Variants in EIF3H observed in about 807,000 individuals in gnomAD.
EIF3H encodes the protein eIF-3-gamma.
In EIF3H, 26 loss-of-function variants were observed where a neutral mutation model predicts 44.2. That is an observed-to-expected ratio of 0.59 (90% confidence interval 0.43 to 0.82). The LOEUF (loss-of-function observed/expected upper bound fraction) is 0.82. EIF3H is among the 40% of genes least tolerant of loss of function. The pLI is 0.00. For missense variants in EIF3H, 359 were observed against 432.8 expected (o/e 0.83, Z 1.51); for synonymous variants, 166 against 151.9 (o/e 1.09, Z -0.68).
intron 2 of EIF3H, among the ~76,000 whole-genome samples, chr8:116,723,809 A>G (rs565245408): frequency 6.6e-6 from 1 of 152,342 alleles, no homozygotes; most frequent in African/African-American, 2.4e-5. Context: ...CTGAAACTAC[A>G]AAACGCTGCT....
rs1563655513 is a variant in EIF3H, at chr8:116,730,352, T to C, written c.133-4180A>G. Among the ~76,000 whole-genome samples the C allele has an allele frequency of 2.6e-5, 4 of 152,304 alleles. No individual in the cohort carries two copies. The East Asian group carries it at 5.8e-4, about 22-fold the overall frequency. On this transcript the variant is annotated intron_variant, in intron 1 of 7. Coordinates refer to ENST00000521861, the MANE Select transcript of EIF3H (RefSeq NM_003756.3). ...ACAAACCTTTACTGTGAACTGCACATACAAGGGAGCTAGGTTGCATGCTCC... is the reference window on the plus strand; with the variant it reads ...ACAAACCTTTACTGTGAACTGCACACACAAGGGAGCTAGGTTGCATGCTCC...
At chr8:116,702,900 G>C (rs1328999035) in intron 2 of EIF3H, among the ~76,000 whole-genome samples, 1 of 152,106 alleles carries the variant, frequency 6.6e-6, no homozygotes, top group Non-Finnish European at 1.5e-5. Flanking sequence ...GGGGGTGGCA[G>C]TGATCTTGGA....
chr8:116,745,697 G>A (rs1815220608), intron 1 of EIF3H, among the ~76,000 whole-genome samples: 1 of 152,144 alleles, frequency 6.6e-6, no homozygotes, highest in African/African-American at 2.4e-5. Flanking sequence ...TTGGGAGGCT[G>A]GGGCGGGTGG....
intron 2 of EIF3H, among the ~76,000 whole-genome samples, chr8:116,669,747 G>A (rs894540498): frequency 2.0e-5 from 3 of 152,176 alleles, no homozygotes; most frequent in Non-Finnish European, 4.4e-5. Context: ...ACCTAAAGAA[G>A]TGGAAGATGG....
upstream of EIF3H, among the ~76,000 whole-genome samples, chr8:116,759,890 T>C (rs1424951222): frequency 6.6e-6 from 1 of 152,098 alleles, no homozygotes; most frequent in African/African-American, 2.4e-5. Context: ...AGCACCACAC[T>C]TGAATAATTT....
At chr8:116,721,448 A>G (rs997929462) in intron 2 of EIF3H, among the ~76,000 whole-genome samples, 1 of 152,244 alleles carries the variant, frequency 6.6e-6, no homozygotes, top group African/African-American at 2.4e-5. Context: ...TGTGGGGTTG[A>G]AGCCCCCACA....
intron 5 of EIF3H, among the ~76,000 whole-genome samples, chr8:116,653,636 T>A (rs1249917029): frequency 6.6e-6 from 1 of 152,126 alleles, no homozygotes; most frequent in Non-Finnish European, 1.5e-5. Flanking sequence ...ATGCTTATAA[T>A]CCTTAATGTA....
intron 1 of EIF3H, among the ~76,000 whole-genome samples, chr8:116,760,930 A>C (rs1815513335): frequency 6.6e-6 from 1 of 152,234 alleles, no homozygotes; most frequent in Non-Finnish European, 1.5e-5. Context: ...TTCTTTAAGT[A>C]ACAGTAATAA....
At chr8:116,658,418 T>C (rs962932437) in intron 3 of EIF3H, 1 of 156,752 alleles carries the variant, frequency 6.4e-6, no homozygotes, top group Non-Finnish European at 1.4e-5. Context: ...AGTCCAGGTT[T>C]TGTACGCTGT....
intron 2 of EIF3H, among the ~76,000 whole-genome samples, chr8:116,706,045 C>T (rs1443617313): frequency 6.6e-6 from 1 of 151,408 alleles, no homozygotes; most frequent in Non-Finnish European, 1.5e-5. Context: ...AACACTACCA[C>T]CGATAAATCC....
At chr8:116,686,831 G>A (rs200953937) in intron 2 of EIF3H, among the ~76,000 whole-genome samples, 4 of 152,138 alleles carry the variant, frequency 2.6e-5, no homozygotes, top group Non-Finnish European at 5.9e-5. Context: ...ATTTCAGCCA[G>A]AGGAAACCAC....
intron 2 of EIF3H, among the ~76,000 whole-genome samples, chr8:116,668,187 A>C (rs760981250): frequency 1.3e-5 from 2 of 152,224 alleles, no homozygotes; most frequent in Non-Finnish European, 2.9e-5. Flanking sequence ...CATTTCTAAA[A>C]ATTTTAAATG....
intron 2 of EIF3H, chr8:116,689,266 A>C (rs1303980056): frequency 3.5e-6 from 1 of 287,808 alleles, no homozygotes; most frequent in Non-Finnish European, 7.1e-6. Flanking sequence ...AGGATACCAG[A>C]GACTGGGAAG....
At chr8:116,651,135 T>A (rs1011448360) in intron 5 of EIF3H, among the ~76,000 whole-genome samples, 1 of 151,646 alleles carries the variant, frequency 6.6e-6, no homozygotes, top group Admixed American at 6.6e-5. Flanking sequence ...CTGAAAAGGG[T>A]TTAAATGGTC....
intron 2 of EIF3H, among the ~76,000 whole-genome samples, chr8:116,673,901 G>A (rs1813797952): frequency 1.3e-5 from 2 of 151,346 alleles, no homozygotes; most frequent in African/African-American, 2.4e-5. Context: ...AAACCCCGTC[G>A]CTACTAAAAA....
intron 1 of EIF3H, among the ~76,000 whole-genome samples, chr8:116,745,688 T>C (rs983244394): frequency 6.6e-6 from 1 of 152,106 alleles, no homozygotes; most frequent in Non-Finnish European, 1.5e-5. Flanking sequence ...CTCAGCACTT[T>C]GGGAGGCTGG....
At chr8:116,707,497 T>C (rs145364459) in intron 2 of EIF3H, among the ~76,000 whole-genome samples, 2 of 152,286 alleles carry the variant, frequency 1.3e-5, no homozygotes, top group African/African-American at 2.4e-5. Flanking sequence ...AACAGGAATT[T>C]AATTCTGTAT....
At chr8:116,725,864 A>AT in intron 2 of EIF3H, 152 bp downstream of exon 2, 1 of 897,968 alleles carries the variant, frequency 1.1e-6, no homozygotes, top group Non-Finnish European at 1.6e-6. Flanking sequence ...ATTTCCCAGA[A>AT]TTTATATAAT....
At chr8:116,741,333 G>C (rs1815128925) in intron 1 of EIF3H, among the ~76,000 whole-genome samples, 1 of 151,928 alleles carries the variant, frequency 6.6e-6, no homozygotes, top group Non-Finnish European at 1.5e-5. Context: ...TTTTCTTTAA[G>C]ACGCATCAAT....
Sources: gnomAD v4.1 joint callset for allele counts (sites outside exome capture counted in the v4.1 genomes callset) on GRCh38, gnomAD v4.1.1 for gene constraint, MANE v1.5 for transcripts, NCBI Gene and HGNC (gene_info 2026-07-23, HGNC 2026-07-21) for gene names.